Variants in GABBR2 observed in about 807,000 individuals in gnomAD.
GABBR2 encodes G-protein coupled receptor 51.
A neutral mutation model predicts 105.6 loss-of-function variants in GABBR2; 23 were observed. That is an observed-to-expected ratio of 0.22 (90% confidence interval 0.16 to 0.31). GABBR2 has a LOEUF of 0.31. GABBR2 is among the 10% of genes least tolerant of loss of function. The pLI, the probability that GABBR2 is intolerant of heterozygous loss-of-function variation, is 1.00. For synonymous variants in GABBR2, 478 were observed against 499.7 expected, an observed-to-expected ratio of 0.96 and a Z score of 0.58; for missense variants, 734 against 1,245.5, an observed-to-expected ratio of 0.59 and a Z score of 6.18.
intron 13 of GABBR2, among the ~76,000 whole-genome samples, chr9:98,361,605 C>A (rs891322345): frequency 6.6e-6 from 1 of 152,148 alleles, no homozygotes; most frequent in Non-Finnish European, 1.5e-5. Context: ...CCAGATGTCC[C>A]CCCGTCCAAA....
At chr9:98,639,459 G>T (rs1434025519) in intron 1 of GABBR2, among the ~76,000 whole-genome samples, 2 of 152,112 alleles carry the variant, frequency 1.3e-5, no homozygotes, top group African/African-American at 4.8e-5. Context: ...GGGACCCAGG[G>T]CCTCCCCCAC....
chr9:98,686,473 T>C (rs549789583), intron 1 of GABBR2, among the ~76,000 whole-genome samples: 1 of 152,302 alleles, frequency 6.6e-6, no homozygotes, highest in Non-Finnish European at 1.5e-5. Context: ...CTTGGCTCAC[T>C]GCAACCTTCG....
chr9:98,581,016 C>T (rs903000806), intron 1 of GABBR2: 12 of 152,252 alleles, frequency 7.9e-5, no homozygotes, highest in Admixed American at 6.5e-4. Context: ...ATCTGTGACC[C>T]ATGTCTGTGC....
At chr9:98,662,113 A>G (rs1293754586) in intron 1 of GABBR2, among the ~76,000 whole-genome samples, 1 of 152,178 alleles carries the variant, frequency 6.6e-6, no homozygotes, top group Non-Finnish European at 1.5e-5. Context: ...AAATCTTAGA[A>G]TCTCAGTTTC....
chr9:98,699,464 T>C (rs916349284), intron 1 of GABBR2, among the ~76,000 whole-genome samples: 1 of 152,126 alleles, frequency 6.6e-6, no homozygotes, highest in African/African-American at 2.4e-5. Context: ...TACAAAGCAC[T>C]TACTCCATTT....
At chr9:98,374,822 C>T (rs1055123177) in intron 11 of GABBR2, among the ~76,000 whole-genome samples, 1 of 152,142 alleles carries the variant, frequency 6.6e-6, no homozygotes, top group Non-Finnish European at 1.5e-5. Flanking sequence ...GCTGTGTATT[C>T]TTTCAGTGTA....
intron 7 of GABBR2, 144 bp downstream of exon 7, chr9:98,453,837 C>T (rs2131603059): frequency 1.5e-6 from 1 of 675,956 alleles, no homozygotes; most frequent in Middle Eastern, 4.1e-4. Flanking sequence ...GTCTGAACAG[C>T]CCTGCAATCC....
chr9:98,367,905 T>C (rs986038055), intron 12 of GABBR2, among the ~76,000 whole-genome samples: 3 of 152,200 alleles, frequency 2.0e-5, no homozygotes, highest in African/African-American at 7.2e-5. Context: ...CATAACCAAG[T>C]TGGTTTTTAT....
At chr9:98,302,248 T>C (rs1328040197) in intron 16 of GABBR2, among the ~76,000 whole-genome samples, 1 of 152,210 alleles carries the variant, frequency 6.6e-6, no homozygotes, top group African/African-American at 2.4e-5. Flanking sequence ...AACCAAAATA[T>C]GCACAATTTT....
chr9:98,566,281 G>T (rs1428873525), intron 2 of GABBR2, among the ~76,000 whole-genome samples: 1 of 152,156 alleles, frequency 6.6e-6, no homozygotes, highest in East Asian at 1.9e-4. Context: ...TGATACTCAT[G>T]AAGTTTGAGA....
At chr9:98,675,681 T>C (rs929864282) in intron 1 of GABBR2, among the ~76,000 whole-genome samples, 1 of 152,200 alleles carries the variant, frequency 6.6e-6, no homozygotes, top group Admixed American at 6.5e-5. Flanking sequence ...GGACAGCTAA[T>C]CTGCACTAGG....
intron 1 of GABBR2, among the ~76,000 whole-genome samples, chr9:98,619,092 T>G (rs1829632942): frequency 1.3e-5 from 2 of 152,178 alleles, no homozygotes; most frequent in Non-Finnish European, 2.9e-5. Context: ...GTTTAAAATT[T>G]TAGAAGTTAT....
At chr9:98,531,893 G>A (rs1173428966) in intron 3 of GABBR2, among the ~76,000 whole-genome samples, 1 of 152,078 alleles carries the variant, frequency 6.6e-6, no homozygotes, top group East Asian at 1.9e-4. Flanking sequence ...ATAAACAGGC[G>A]GCTAAGTGCT....
intron 4 of GABBR2, among the ~76,000 whole-genome samples, chr9:98,490,936 G>T (rs978121155): frequency 6.6e-6 from 1 of 151,722 alleles, no homozygotes; most frequent in Non-Finnish European, 1.5e-5. Context: ...TACAAATTTC[G>T]ATACACATCT....
chr9:98,619,935 AC>A (rs752987072), intron 1 of GABBR2, among the ~76,000 whole-genome samples: 3 of 152,106 alleles, frequency 2.0e-5, no homozygotes, highest in Non-Finnish European at 4.4e-5. Flanking sequence ...CCAGCTCACC[AC>A]TCACCTGCTG....
At chr9:98,586,637 T>C (rs1051013699) in intron 1 of GABBR2, among the ~76,000 whole-genome samples, 4 of 152,256 alleles carry the variant, frequency 2.6e-5, no homozygotes, top group Non-Finnish European at 5.9e-5. Context: ...ATGTACATGT[T>C]TCTTAAACAC....
chr9:98,415,966 G>C (rs533039023), intron 7 of GABBR2, among the ~76,000 whole-genome samples: 19 of 152,320 alleles, frequency 1.2e-4, no homozygotes, highest in Non-Finnish European at 2.4e-4. Context: ...GATGGTGTGT[G>C]GGTGTAGTAG....
At chr9:98,648,118 TA>T (rs1259522738) in intron 1 of GABBR2, among the ~76,000 whole-genome samples, 233 of 142,086 alleles carry the variant, frequency 1.6e-3, no homozygotes, top group African/African-American at 2.8e-3. Flanking sequence ...TGTGTGTGTA[TA>T]GATAGATAGA....
intron 6 of GABBR2, among the ~76,000 whole-genome samples, chr9:98,463,087 C>G (rs1418081329): frequency 6.6e-6 from 1 of 152,152 alleles, no homozygotes; most frequent in East Asian, 1.9e-4. Flanking sequence ...TGGGGTTTCA[C>G]TATGTTGGCC....
Sources: gnomAD v4.1 joint callset for allele counts (sites outside exome capture counted in the v4.1 genomes callset) on GRCh38, gnomAD v4.1.1 for gene constraint, MANE v1.5 for transcripts, NCBI Gene and HGNC (gene_info 2026-07-23, HGNC 2026-07-21) for gene names.